The following PCGF5 variants were observed in gnomAD, a reference collection of about 807,000 sequenced individuals.
The protein encoded by PCGF5 is polycomb group RING finger protein 5.
PCGF5 carries 9 observed loss-of-function variants against 44.3 expected under a neutral mutation model. The ratio of observed to expected loss-of-function variants is 0.20; its 90% confidence interval spans 0.12 to 0.35. The LOEUF (loss-of-function observed/expected upper bound fraction) is 0.35, where lower values mean the gene tolerates loss of function less well. Among genes scored for constraint, PCGF5 ranks in the 10% least tolerant of loss-of-function variants. The pLI, the probability that PCGF5 is intolerant of heterozygous loss-of-function variation, is 1.00. For missense variants in PCGF5, 146 were observed against 305.3 expected (o/e 0.48, Z 3.89); for synonymous variants, 95 against 102.5 (o/e 0.93, Z 0.44).
At chr10:91,264,770 C>T (rs897439873) in intron 8 of PCGF5, among the ~76,000 whole-genome samples, 4 of 152,084 alleles carry the variant, frequency 2.6e-5, no homozygotes, top group African/African-American at 9.7e-5. Flanking sequence ...CAGGACTCTA[C>T]TAACCAAGAC....
At chr10:91,244,377 G>A (rs1845405748) in intron 3 of PCGF5, among the ~76,000 whole-genome samples, 1 of 152,122 alleles carries the variant, frequency 6.6e-6, no homozygotes, top group Non-Finnish European at 1.5e-5. Context: ...CTTGTTGGAC[G>A]ACCAGCAAGG....
chr10:91,187,519 A>G (rs909527673), intron 1 of PCGF5, among the ~76,000 whole-genome samples: 42 of 152,124 alleles, frequency 2.8e-4, no homozygotes, highest in African/African-American at 9.7e-4. Context: ...TAGTCTTTTC[A>G]TTAAAAAAAA....
At chr10:91,271,253 G>T (rs1329723554) in intron 8 of PCGF5, among the ~76,000 whole-genome samples, 1 of 152,034 alleles carries the variant, frequency 6.6e-6, no homozygotes. Flanking sequence ...ATTACTTTCA[G>T]GGGAAGTTGA....
chr10:91,171,497 C>T (rs1262176286), intron 1 of PCGF5, among the ~76,000 whole-genome samples: 1 of 152,192 alleles, frequency 6.6e-6, no homozygotes, highest in Non-Finnish European at 1.5e-5. Context: ...TCCTGTATTT[C>T]ATGACTTTCT....
At chr10:91,183,451 A>G (rs563823218) in intron 1 of PCGF5, among the ~76,000 whole-genome samples, 134 of 150,252 alleles carry the variant, frequency 8.9e-4, no homozygotes, top group African/African-American at 3.1e-3. Flanking sequence ...TTTTGAGTCT[A>G]TGTGTGTCTC....
At chr10:91,274,671 A>G (rs11186525) in intron 9 of PCGF5, among the ~76,000 whole-genome samples, 19,883 of 152,222 alleles carry the variant, frequency 0.13, 2,442 homozygotes, top group African/African-American at 0.32. Context: ...GAATAGTTTT[A>G]ATAAGATAGC....
intron 3 of PCGF5, among the ~76,000 whole-genome samples, chr10:91,247,648 G>A (rs1845502177): frequency 6.6e-6 from 1 of 151,932 alleles, no homozygotes; most frequent in African/African-American, 2.4e-5. Context: ...TGAAAAAGAT[G>A]AGTTATATGG....
At chr10:91,276,791 C>T (rs1846326113) in intron 9 of PCGF5, among the ~76,000 whole-genome samples, 2 of 152,040 alleles carry the variant, frequency 1.3e-5, no homozygotes, top group African/African-American at 4.8e-5. Flanking sequence ...TCAATAGAAT[C>T]AGGAATCAAA....
At chr10:91,256,997 G>T (rs1390182032) in intron 6 of PCGF5, among the ~76,000 whole-genome samples, 2 of 152,052 alleles carry the variant, frequency 1.3e-5, no homozygotes, top group Non-Finnish European at 2.9e-5. Flanking sequence ...TAAAACTCTT[G>T]TGTATCAAAG....
At chr10:91,206,039 TAA>T (rs1844342143) in intron 1 of PCGF5, among the ~76,000 whole-genome samples, 1 of 152,128 alleles carries the variant, frequency 6.6e-6, no homozygotes, top group Non-Finnish European at 1.5e-5. Context: ...ACAAAAAAAC[TAA>T]AAGACATGGT....
At chr10:91,275,269 CAT>C (rs1430838979) in intron 9 of PCGF5, among the ~76,000 whole-genome samples, 2 of 151,042 alleles carry the variant, frequency 1.3e-5, no homozygotes, top group East Asian at 1.9e-4. Context: ...GGCTAATAAA[CAT>C]ATAAAAATGA....
chr10:91,183,291 T>C (rs1282894421), intron 1 of PCGF5, among the ~76,000 whole-genome samples: 1 of 152,176 alleles, frequency 6.6e-6, no homozygotes, highest in African/African-American at 2.4e-5. Context: ...GTTGGGTATA[T>C]ATATATTTAG....
intron 1 of PCGF5, among the ~76,000 whole-genome samples, chr10:91,213,368 C>A (rs567131111): frequency 2.0e-5 from 3 of 152,232 alleles, no homozygotes; most frequent in South Asian, 4.1e-4. Flanking sequence ...GCATAAGTAA[C>A]CTCTATTTGG....
rs898644807 is a variant in PCGF5, at chr10:91,233,849, T to C, written c.113-6635T>C. On this transcript the variant is annotated intron_variant, in intron 2 of 9. Transcript: ENST00000336126. ...AAGGAAGAAAAAATATGCATCTAAG[T>C]TGACAGATAAAACCAACACACCTAA... Among the ~76,000 whole-genome samples the C allele has an allele frequency of 5.9e-5, 9 of 152,344 alleles. No individual in the cohort carries two copies. The South Asian group carries it at 6.2e-4, about 11-fold the overall frequency.
chr10:91,273,824 T>A (rs1269545633), intron 9 of PCGF5, among the ~76,000 whole-genome samples: 1 of 150,198 alleles, frequency 6.7e-6, no homozygotes, highest in Non-Finnish European at 1.5e-5. Context: ...TAATATAGTG[T>A]ATATTATATA....
At chr10:91,240,840 A>T (rs1845304099) in intron 3 of PCGF5, among the ~76,000 whole-genome samples, 1 of 151,852 alleles carries the variant, frequency 6.6e-6, no homozygotes, top group Non-Finnish European at 1.5e-5. Context: ...TTTAGGTTAC[A>T]GGTATTTTCA....
At chr10:91,226,664 G>T (rs1844849240) in intron 2 of PCGF5, among the ~76,000 whole-genome samples, 1 of 152,140 alleles carries the variant, frequency 6.6e-6, no homozygotes, top group African/African-American at 2.4e-5. Flanking sequence ...ATCCAGCACT[G>T]CTGGGCTGCC....
At chr10:91,264,566 C>G in intron 8 of PCGF5, 46 bp downstream of exon 8, 1 of 1,333,430 alleles carries the variant, frequency 7.5e-7, no homozygotes, top group Admixed American at 2.1e-5. Context: ...AGTTATATAC[C>G]ATTATGTTAC....
At chr10:91,227,198 C>T in intron 2 of PCGF5, 1 of 384,918 alleles carries the variant, frequency 2.6e-6, no homozygotes, top group East Asian at 7.2e-5. Context: ...AACTTATATG[C>T]CAAGAAGAAA....
Sources: allele counts gnomAD v4.1 joint callset (sites outside exome capture counted in the v4.1 genomes callset), GRCh38; gene constraint gnomAD v4.1.1; transcripts MANE v1.5; gene names NCBI Gene and HGNC (gene_info 2026-07-23, HGNC 2026-07-21).